Variants in LRP1B observed in about 807,000 individuals in gnomAD.
LRP1B encodes LDL receptor related protein 1B.
Under a neutral mutation model 556.6 loss-of-function variants are expected in LRP1B, and 217 were observed. That is an observed-to-expected ratio of 0.39 (90% CI 0.35 to 0.44). The LOEUF (loss-of-function observed/expected upper bound fraction) is 0.44. Among genes scored for constraint, LRP1B ranks in the 20% least tolerant of loss-of-function variants. LRP1B has a pLI of 1.00. For synonymous variants in LRP1B, 2,047 were observed against 1,865.8 expected, an observed-to-expected ratio of 1.10 and a Z score of -2.50; for missense variants, 5,053 against 5,620.8, an observed-to-expected ratio of 0.90 and a Z score of 3.23.
At chr2:141,558,404 A>G (rs1039038752) in intron 2 of LRP1B, among the ~76,000 whole-genome samples, 1 of 151,784 alleles carries the variant, frequency 6.6e-6, no homozygotes, top group African/African-American at 2.4e-5. Flanking sequence ...CACAGTACCT[A>G]AAGAGTTCCT....
intron 6 of LRP1B, among the ~76,000 whole-genome samples, chr2:141,207,344 C>T (rs1682331342): frequency 6.6e-6 from 1 of 152,174 alleles, no homozygotes; most frequent in African/African-American, 2.4e-5. Context: ...CTACCTCTCA[C>T]AACTCCAAAC....
In LRP1B at chr2:140,481,299, T is replaced by G. The variant is rs1688228024; in HGVS notation, c.9425+4044A>C. ...GCACAACATGTTTATGATCCACAAT[T>G]ATTTTGTTACTGGAAACTCTGACAT... is the stretch of plus-strand genomic sequence containing the variant. On this transcript the variant is annotated intron_variant, in intron 59 of 90. Transcript: ENST00000389484. 3.3e-5 allele frequency among the ~76,000 whole-genome samples: 5 copies of G among 152,270 alleles called. No homozygotes were observed. In the South Asian group the frequency reaches 1.0e-3, roughly 32 times the overall value.
At position 140,274,586 on chromosome 2, in the gene LRP1B, T is replaced by C; in HGVS notation, c.12980A>G (p.His4327Arg). The C allele has an allele frequency of 6.2e-7, 1 of 1,610,786 alleles. No homozygotes were observed. Among genetic ancestry groups the C allele is most frequent in the Non-Finnish European group, 8.5e-7 (1 of 1,178,280 alleles). Reference protein sequence around the residue: ...GDRCQYYVCHHYCVNSESCTI... With the variant: ...GDRCQYYVCHRYCVNSESCTI... The stretch of plus-strand genomic sequence containing the variant: ...ACATGATTCAGAATTCACACAATAG[T>C]GGTGGCACACGTCTAGGAAAAAAAG... The change falls in exon 85 of 91, where the codon CAC becomes CGC. Residue 4327 changes from histidine to arginine, a missense_variant. His to Arg is a conservative substitution (Grantham distance 29, BLOSUM62 0). Around this residue, in one of 5 missense-constraint regions of LRP1B, gnomAD observed 551 missense variants for 592.0 expected, o/e 0.93. Transcript: ENST00000389484.
intron 23 of LRP1B, among the ~76,000 whole-genome samples, chr2:140,890,658 T>A (rs1490135238): frequency 1.3e-5 from 2 of 152,044 alleles, no homozygotes; most frequent in Admixed American, 1.3e-4. Flanking sequence ...GAACTCTTAA[T>A]CTAGATATCT....
At chr2:141,483,516 T>G (rs1428982794) in intron 2 of LRP1B, among the ~76,000 whole-genome samples, 1 of 128,118 alleles carries the variant, frequency 7.8e-6, no homozygotes, top group Non-Finnish European at 1.7e-5. Flanking sequence ...TTTCTAGTTC[T>G]AGATCCCTGA....
In LRP1B at chr2:140,973,052, TTATATATATATA is replaced by T. The variant is rs200336213; in HGVS notation, c.2887+9096_2887+9107del. Among the ~76,000 whole-genome samples the T allele has an allele frequency of 2.9e-5, 4 of 138,586 alleles. 1 individual carries two copies. Among genetic ancestry groups the T allele is most frequent in the African/African-American group, 1.1e-4 (4 of 37,486 alleles). 90.9% of individuals were successfully genotyped at this position (138,586 alleles called of 152,430 possible). Reference sequence around the variant, plus strand: ...ATGCTTTCATTAAATATATTTCATTTTATATATATATATATATATATATATATATTTCTAAAC... The same window carrying T: ...ATGCTTTCATTAAATATATTTCATTTTATATATATATATATATTTCTAAAC... On this transcript the variant is annotated intron_variant, in intron 18 of 90. Coordinates refer to ENST00000389484, the MANE Select transcript of LRP1B (RefSeq NM_018557.3).
At chr2:141,059,460 G>T (rs894398069) in intron 8 of LRP1B, among the ~76,000 whole-genome samples, 1 of 151,692 alleles carries the variant, frequency 6.6e-6, no homozygotes, top group Non-Finnish European at 1.5e-5. Context: ...CAAAAACATA[G>T]CTCTCCCTGT....
intron 7 of LRP1B, among the ~76,000 whole-genome samples, chr2:141,136,986 T>A (rs1350914979): frequency 6.6e-6 from 1 of 151,912 alleles, no homozygotes. Flanking sequence ...ATGAAATCCA[T>A]ACACTGTCAA....
At chr2:140,627,995 C>G (rs541344833) in intron 41 of LRP1B, among the ~76,000 whole-genome samples, 28 of 152,280 alleles carry the variant, frequency 1.8e-4, no homozygotes, top group African/African-American at 6.7e-4. Context: ...CTAATCTGAA[C>G]AGTTGTTAAG....
At chr2:140,844,926 G>C (rs1380986401) in intron 29 of LRP1B, among the ~76,000 whole-genome samples, 1 of 152,182 alleles carries the variant, frequency 6.6e-6, no homozygotes, top group Non-Finnish European at 1.5e-5. Flanking sequence ...AGAATTGAGA[G>C]CTTCATGGAG....
chr2:141,687,174 A>G (rs1421968533), intron 2 of LRP1B, among the ~76,000 whole-genome samples: 1 of 152,002 alleles, frequency 6.6e-6, no homozygotes, highest in African/African-American at 2.4e-5. Context: ...GCAAATGGGT[A>G]AAAACACTCT....
intron 71 of LRP1B, among the ~76,000 whole-genome samples, chr2:140,369,255 G>C (rs1682885662): frequency 6.6e-6 from 1 of 151,856 alleles, no homozygotes; most frequent in African/African-American, 2.4e-5. Flanking sequence ...TACATAAGAT[G>C]AACCTTGTAA....
chr2:140,938,618 T>C (rs1049666681), intron 20 of LRP1B, among the ~76,000 whole-genome samples: 1 of 152,032 alleles, frequency 6.6e-6, no homozygotes, highest in African/African-American at 2.4e-5. Context: ...TGACTGGATA[T>C]AGGAATAAAG....
intron 7 of LRP1B, among the ~76,000 whole-genome samples, chr2:141,160,452 G>A (rs1421717204): frequency 6.6e-6 from 1 of 152,018 alleles, no homozygotes. Context: ...AAAACCTATA[G>A]ACAGATTTTC....
chr2:140,838,018 C>T (rs1481488104), intron 31 of LRP1B, among the ~76,000 whole-genome samples: 1 of 151,838 alleles, frequency 6.6e-6, no homozygotes, highest in Admixed American at 6.6e-5. Flanking sequence ...ACATGAGTAC[C>T]TCTCTTATAA....
chr2:141,289,964 T>C (rs1410909519), intron 3 of LRP1B, among the ~76,000 whole-genome samples: 3 of 152,322 alleles, frequency 2.0e-5, no homozygotes, highest in African/African-American at 7.2e-5. Flanking sequence ...TAAAGTGACT[T>C]GGTTTTTTTT....
At chr2:140,325,994 A>G (rs1036765028) in intron 79 of LRP1B, 116 bp from the exon 80 acceptor site, 6 of 654,164 alleles carry the variant, frequency 9.2e-6, no homozygotes, top group Non-Finnish European at 1.6e-5. Context: ...AGCATCATAG[A>G]AATTACCTGG....
intron 41 of LRP1B, among the ~76,000 whole-genome samples, chr2:140,622,265 C>T (rs553732723): frequency 6.6e-6 from 1 of 152,292 alleles, no homozygotes; most frequent in East Asian, 1.9e-4. Flanking sequence ...AACTTACTGT[C>T]TTCAAACATT....
intron 12 of LRP1B, among the ~76,000 whole-genome samples, 159 bp downstream of exon 12, chr2:141,019,763 T>C (rs910200320): frequency 2.9e-4 from 44 of 152,098 alleles, no homozygotes; most frequent in Non-Finnish European, 1.8e-4. Context: ...CATTCTCTAG[T>C]ACAGAAAAAC....
Sources: allele counts gnomAD v4.1 joint callset (sites outside exome capture counted in the v4.1 genomes callset), GRCh38; gene constraint gnomAD v4.1.1; regional missense constraint gnomAD v4.1.1; transcripts MANE v1.5; gene names NCBI Gene and HGNC (gene_info 2026-07-23, HGNC 2026-07-21).